Variants in SLC23A2 observed in about 807,000 individuals in gnomAD.
The protein encoded by SLC23A2 is Na(+)/L-ascorbic acid transporter 2.
A neutral mutation model predicts 73.3 loss-of-function variants in SLC23A2; 36 were observed. The ratio of observed to expected loss-of-function variants is 0.49; its 90% CI spans 0.38 to 0.65. The LOEUF is 0.65. SLC23A2 is among the 30% of genes least tolerant of loss of function. The pLI is 0.00. For synonymous variants in SLC23A2, 343 were observed against 327.3 expected, an observed-to-expected ratio of 1.05 and a Z score of -0.52; for missense variants, 507 against 841.6, an observed-to-expected ratio of 0.60 and a Z score of 4.92.
intron 1 of SLC23A2, among the ~76,000 whole-genome samples, chr20:5,009,866 C>T (rs946631917): frequency 2.6e-5 from 4 of 151,500 alleles, no homozygotes; most frequent in African/African-American, 9.8e-5. Context: ...GAGGCCGAGG[C>T]GGGCGGATCA....
rs1277690941 is a variant in SLC23A2, at chr20:4,853,642, A to C, written c.*3330T>G. 1 of 152,684 alleles carries C rather than the reference A, an allele frequency of 6.5e-6. No homozygotes were observed. Among genetic ancestry groups the C allele is most frequent in the Admixed American group, 6.5e-5 (1 of 15,288 alleles). 9.5% of individuals were successfully genotyped at this position (152,684 alleles called of 1,614,324 possible). A position where few individuals can be genotyped will look rare whatever the true frequency, so the allele number is the denominator to read the frequency against. The stretch of plus-strand genomic sequence containing the variant: ...TTATTTTGCTATATGGAAATACTGC[A>C]ATATTCATGCATAAACCAAGTTGTC... On this transcript the variant is annotated 3_prime_UTR_variant, in exon 17 of 17. Transcript: ENST00000338244.
intron 1 of SLC23A2, among the ~76,000 whole-genome samples, chr20:4,988,037 G>A (rs1400043176): frequency 6.7e-6 from 1 of 149,694 alleles, no homozygotes; most frequent in Non-Finnish European, 1.5e-5. Flanking sequence ...GATGGTTCAC[G>A]CCTGTAATCT....
chr20:4,867,901 G>T, intron 12 of SLC23A2, 26 bp from the exon 13 acceptor site: 1 of 1,321,362 alleles, frequency 7.6e-7, no homozygotes, highest in Non-Finnish European at 1.1e-6. Context: ...ATGGAGGAAA[G>T]AAAATCATTC....
intron 2 of SLC23A2, among the ~76,000 whole-genome samples, chr20:4,958,268 T>C (rs562235634): frequency 6.6e-6 from 1 of 152,338 alleles, no homozygotes; most frequent in South Asian, 2.1e-4. Context: ...AATGCCTCTG[T>C]AAAATAAGAT....
chr20:4,862,859 G>C lies in SLC23A2; in HGVS notation c.1405C>G (p.Leu469Val), dbSNP rs1930028922. Reference protein sequence around the residue: ...IQCGAALMLALGMIGKFSALF... With the variant: ...IQCGAALMLAVGMIGKFSALF... ...GCGCTGAACTTCCCGATCATGCCCA[G>C]AGCGAGCATGAGGGCTGCTCCGCAC... is the stretch of plus-strand genomic sequence containing the variant. The change falls in exon 14 of 17, where the codon CTG (leucine) becomes GTG (valine). Residue 469 changes from leucine to valine, a missense_variant. Around this residue, in one of 5 missense-constraint regions of SLC23A2, gnomAD observed 168 missense variants for 302.3 expected, o/e 0.56. Transcript: ENST00000338244. This position sits in a 1 kb window ranked among gnomAD's most constrained non-coding sequence, Gnocchi z 5.1. 3 of 1,613,668 alleles carry C rather than the reference G, an allele frequency of 1.9e-6. No individual in the cohort carries two copies. Among genetic ancestry groups the C allele is most frequent in the Non-Finnish European group, 2.5e-6 (3 of 1,179,686 alleles).
chr20:4,896,637 G>C (rs1018915150), intron 6 of SLC23A2, among the ~76,000 whole-genome samples: 1 of 152,174 alleles, frequency 6.6e-6, no homozygotes, highest in Non-Finnish European at 1.5e-5. Context: ...TGAGACTGGG[G>C]AATGAGTTCA....
At chr20:4,986,857 A>G (rs1414947094) in intron 1 of SLC23A2, among the ~76,000 whole-genome samples, 1 of 152,154 alleles carries the variant, frequency 6.6e-6, no homozygotes, top group Non-Finnish European at 1.5e-5. Context: ...CATCATTGTA[A>G]GCAATGGAAC....
At chr20:4,943,637 T>C (rs1404951051) in intron 2 of SLC23A2, among the ~76,000 whole-genome samples, 7 of 142,432 alleles carry the variant, frequency 4.9e-5, no homozygotes, top group Non-Finnish European at 9.0e-5. Flanking sequence ...ACTGCACGAC[T>C]ACACTCCAGC....
At chr20:4,897,977 CAT>C (rs1931607965) in intron 6 of SLC23A2, among the ~76,000 whole-genome samples, 1 of 152,216 alleles carries the variant, frequency 6.6e-6, no homozygotes, top group African/African-American at 2.4e-5. Context: ...ACCAGTGCTC[CAT>C]GGGCAAGGTA....
intron 15 of SLC23A2, among the ~76,000 whole-genome samples, chr20:4,859,794 A>G (rs1374401193): frequency 6.6e-6 from 1 of 152,282 alleles, no homozygotes; most frequent in Admixed American, 6.5e-5. Context: ...ACCTGCAGTC[A>G]TAGAAGACTT....
In SLC23A2 at chr20:4,940,779, T is replaced by G. The variant is rs575596946; in HGVS notation, c.-154-8063A>C. Among the ~76,000 whole-genome samples the G allele has an allele frequency of 3.3e-5, 5 of 152,302 alleles. No homozygotes were observed. In the South Asian group the frequency reaches 1.0e-3, roughly 32 times the overall value. Reference sequence around the variant, plus strand: ...TTCCACTTACGTGAGGCGTCTAAAATAGTCAAATGCAGAAGCAGAGTAGGA... The same window carrying G: ...TTCCACTTACGTGAGGCGTCTAAAAGAGTCAAATGCAGAAGCAGAGTAGGA... On this transcript the variant is annotated intron_variant, in intron 2 of 16. Coordinates refer to ENST00000338244, the MANE Select transcript of SLC23A2 (RefSeq NM_005116.6).
At chr20:4,922,938 T>C (rs1932545343) in intron 3 of SLC23A2, among the ~76,000 whole-genome samples, 2 of 152,160 alleles carry the variant, frequency 1.3e-5, no homozygotes, top group Admixed American at 1.3e-4. Context: ...AACCTCTTAC[T>C]ATTTTCATTC....
At chr20:4,864,787 G>A (rs1369312891) in intron 13 of SLC23A2, among the ~76,000 whole-genome samples, 2 of 152,172 alleles carry the variant, frequency 1.3e-5, no homozygotes, top group African/African-American at 4.8e-5. Context: ...CCTGAGGGGT[G>A]AGTAAGAGTT....
chr20:4,957,995 C>T (rs1234832088), intron 2 of SLC23A2, among the ~76,000 whole-genome samples: 3 of 152,106 alleles, frequency 2.0e-5, no homozygotes, highest in Admixed American at 6.6e-5. Context: ...TAATCTCAAG[C>T]CATGATTCAG....
intron 3 of SLC23A2, among the ~76,000 whole-genome samples, chr20:4,922,709 T>C (rs1264735749): frequency 6.6e-6 from 1 of 151,920 alleles, no homozygotes; most frequent in African/African-American, 2.4e-5. Context: ...ATGCCTGTAG[T>C]CCCAGCTAGC....
intron 4 of SLC23A2, among the ~76,000 whole-genome samples, chr20:4,910,835 T>C (rs1054849132): frequency 2.6e-5 from 4 of 152,172 alleles, no homozygotes; most frequent in Non-Finnish European, 5.9e-5. Context: ...CTCCATTTCA[T>C]TGGTATTCAA....
At chr20:4,989,271 T>C (rs1356018053) in intron 1 of SLC23A2, among the ~76,000 whole-genome samples, 2 of 149,206 alleles carry the variant, frequency 1.3e-5, no homozygotes, top group Non-Finnish European at 3.0e-5. Context: ...TAGCTAACTA[T>C]AGGAAGGAGG....
chr20:4,945,357 T>C (rs1308418634), intron 2 of SLC23A2, among the ~76,000 whole-genome samples: 7 of 152,298 alleles, frequency 4.6e-5, no homozygotes, highest in South Asian at 2.1e-4. Context: ...GGCACCCAGG[T>C]TGGAGTACAG....
At chr20:4,952,404 A>G (rs549476683) in intron 2 of SLC23A2, among the ~76,000 whole-genome samples, 1 of 152,316 alleles carries the variant, frequency 6.6e-6, no homozygotes, top group South Asian at 2.1e-4. Context: ...TCAGAAGACA[A>G]TAACACAAAC....
Sources: gnomAD v4.1 joint callset for allele counts (sites outside exome capture counted in the v4.1 genomes callset) on GRCh38, gnomAD v4.1.1 for gene constraint, gnomAD v4.1.1 regional missense constraint, Gnocchi (gnomAD v3.1) non-coding constraint, MANE v1.5 for transcripts, NCBI Gene and HGNC (gene_info 2026-07-23, HGNC 2026-07-21) for gene names.